The following CDH12 variants were observed in gnomAD, a reference collection of about 807,000 sequenced individuals.
The protein encoded by CDH12 is cadherin 12, also known as cadherin-12.
CDH12 carries 41 observed loss-of-function variants against 74.1 expected under a neutral mutation model. That is an observed-to-expected ratio of 0.55 (90% CI 0.43 to 0.72). The LOEUF (loss-of-function observed/expected upper bound fraction) is 0.72, where lower values mean the gene tolerates loss of function less well. Ranked by LOEUF, CDH12 falls within the 30% of genes least tolerant of loss-of-function variation. The pLI is 0.00. For missense variants in CDH12, 945 were observed against 977.2 expected (o/e 0.97, Z 0.44); for synonymous variants, 399 against 355.0 (o/e 1.12, Z -1.39).
At chr5:22,713,443 C>T (rs551516277) in intron 1 of CDH12, among the ~76,000 whole-genome samples, 3 of 151,922 alleles carry the variant, frequency 2.0e-5, no homozygotes, top group South Asian at 4.2e-4. Flanking sequence ...ACCCGGCCGA[C>T]CTTAGGCTAA....
At chr5:22,841,080 A>G (rs1035305225) in intron 1 of CDH12, among the ~76,000 whole-genome samples, 1 of 152,174 alleles carries the variant, frequency 6.6e-6, no homozygotes, top group Non-Finnish European at 1.5e-5. Context: ...TTTTTACCAG[A>G]CAGGTGACAT....
chr5:22,643,270 G>A (rs568706787), intron 1 of CDH12, among the ~76,000 whole-genome samples: 1 of 152,034 alleles, frequency 6.6e-6, no homozygotes, highest in Non-Finnish European at 1.5e-5. Context: ...TAGTCAGCTG[G>A]TTTCACATTA....
chr5:22,311,626 C>A (rs1354984517), intron 3 of CDH12, among the ~76,000 whole-genome samples: 1 of 150,362 alleles, frequency 6.7e-6, no homozygotes, highest in African/African-American at 2.5e-5. Context: ...TCGCTTGAAC[C>A]TGGGAGGCAG....
intron 8 of CDH12, among the ~76,000 whole-genome samples, chr5:21,834,893 A>G (rs755438461): frequency 6.6e-6 from 1 of 151,980 alleles, no homozygotes; most frequent in Non-Finnish European, 1.5e-5. Flanking sequence ...CATAAGAGCC[A>G]TTATTTTAGC....
In CDH12 at chr5:22,138,845, A is replaced by AATATATATATATATATATATATAT. The variant is rs67115449; in HGVS notation, c.-186-60007_-186-59984dup. ...AATATATATGTGTACATATATACGT[A>AATATATATATATATATATATATAT]ATATATATATATATATATATATATA... On this transcript the variant is annotated intron_variant, in intron 4 of 14. Transcript: ENST00000382254. Among the ~76,000 whole-genome samples, 203 of 76,514 alleles carry AATATATATATATATATATATATAT rather than the reference A, an allele frequency of 2.7e-3. 17 individuals are homozygous for AATATATATATATATATATATATAT. Among genetic ancestry groups the AATATATATATATATATATATATAT allele is most frequent in the Non-Finnish European group, 4.2e-3 (157 of 37,400 alleles). 50.2% of individuals were successfully genotyped at this position (76,514 alleles called of 152,430 possible). A position where few individuals can be genotyped will look rare whatever the true frequency, so the allele number is the denominator to read the frequency against.
chr5:22,301,238 C>T (rs1737867193), intron 3 of CDH12, among the ~76,000 whole-genome samples: 1 of 152,056 alleles, frequency 6.6e-6, no homozygotes, highest in Non-Finnish European at 1.5e-5. Flanking sequence ...TAAAATATTG[C>T]CCTTGTTCCC....
At chr5:21,979,202 C>T (rs1359107903) in intron 5 of CDH12, among the ~76,000 whole-genome samples, 1 of 152,176 alleles carries the variant, frequency 6.6e-6, no homozygotes, top group Non-Finnish European at 1.5e-5. Context: ...TAAAAATAAG[C>T]TGTTTCTGAG....
intron 2 of CDH12, among the ~76,000 whole-genome samples, chr5:22,413,411 A>C (rs534722032): frequency 6.6e-6 from 1 of 152,130 alleles, no homozygotes; most frequent in South Asian, 2.1e-4. Flanking sequence ...TAACAACAAG[A>C]AAGAGTGGAC....
chr5:22,028,744 A>G (rs1236029151), intron 5 of CDH12, among the ~76,000 whole-genome samples: 1 of 152,208 alleles, frequency 6.6e-6, no homozygotes, highest in African/African-American at 2.4e-5. Flanking sequence ...CTTTCTTCAC[A>G]GAATTGGAAA....
chr5:22,337,730 G>A (rs564198927), intron 3 of CDH12, among the ~76,000 whole-genome samples: 2 of 152,162 alleles, frequency 1.3e-5, no homozygotes, highest in African/African-American at 4.8e-5. Context: ...TAGCAGCAAT[G>A]TGAGAATGGA....
intron 2 of CDH12, among the ~76,000 whole-genome samples, chr5:22,492,055 C>T (rs139634045): frequency 6.6e-5 from 10 of 151,996 alleles, no homozygotes; most frequent in Non-Finnish European, 8.8e-5. Context: ...GGAGTTGGGA[C>T]GTTAGCATAT....
At chr5:22,262,315 G>T (rs573097661) in intron 3 of CDH12, among the ~76,000 whole-genome samples, 1,750 of 131,104 alleles carry the variant, frequency 0.013, 19 homozygotes, top group Middle Eastern at 0.024. Context: ...TCCCCTTCCT[G>T]TGTCCATGTG....
At chr5:22,775,711 C>G (rs1747056089) in intron 1 of CDH12, among the ~76,000 whole-genome samples, 1 of 151,990 alleles carries the variant, frequency 6.6e-6, no homozygotes, top group Admixed American at 6.6e-5. Flanking sequence ...AAATATTTTA[C>G]ATGTACTATG....
chr5:22,310,016 G>A (rs1247429696), intron 3 of CDH12, among the ~76,000 whole-genome samples: 1 of 149,300 alleles, frequency 6.7e-6, no homozygotes, highest in Non-Finnish European at 1.5e-5. Flanking sequence ...GGGGGGCTGC[G>A]GGAGGGATAG....
chr5:21,755,533 G>C (rs770035310), intron 14 of CDH12, 58 bp downstream of exon 14: 189 of 1,497,702 alleles, frequency 1.3e-4, no homozygotes, highest in Non-Finnish European at 1.3e-4. Context: ...GGAGAGAGAG[G>C]GGAAAAAAAG....
intron 2 of CDH12, among the ~76,000 whole-genome samples, chr5:22,500,990 C>T (rs1012249024): frequency 5.3e-5 from 8 of 151,494 alleles, no homozygotes. Flanking sequence ...GCATTTTAAG[C>T]TAATTTGAAT....
At chr5:21,867,132 A>G (rs1751369798) in intron 6 of CDH12, among the ~76,000 whole-genome samples, 2 of 152,114 alleles carry the variant, frequency 1.3e-5, no homozygotes. Flanking sequence ...AGAAGGGTGG[A>G]TCACCTGATT....
intron 1 of CDH12, among the ~76,000 whole-genome samples, chr5:22,694,997 A>C (rs187914): frequency 0.11 from 16,472 of 151,646 alleles, 2,114 homozygotes; most frequent in African/African-American, 0.31. Flanking sequence ...CCTTGCCCCC[A>C]ACCCACCGAC....
intron 6 of CDH12, among the ~76,000 whole-genome samples, chr5:21,888,919 T>A (rs1238720708): frequency 1.3e-5 from 2 of 152,036 alleles, no homozygotes; most frequent in Non-Finnish European, 2.9e-5. Context: ...TCATTATAGA[T>A]AAGGGCATGC....
Sources: allele counts gnomAD v4.1 joint callset (sites outside exome capture counted in the v4.1 genomes callset), GRCh38; gene constraint gnomAD v4.1.1; transcripts MANE v1.5; gene names NCBI Gene and HGNC (gene_info 2026-07-23, HGNC 2026-07-21).